MBNL2: variants seen among roughly 807,000 people sequenced by gnomAD.
MBNL2 encodes the protein muscleblind like splicing regulator 2.
Under a neutral mutation model 41.9 loss-of-function variants are expected in MBNL2, and 17 were observed. The ratio of observed to expected loss-of-function variants is 0.41; its 90% confidence interval spans 0.28 to 0.61. The LOEUF (loss-of-function observed/expected upper bound fraction) is 0.61, where lower values mean the gene tolerates loss of function less well. Among genes scored for constraint, MBNL2 ranks in the 20% least tolerant of loss-of-function variants. MBNL2 has a pLI of 0.35. For missense variants in MBNL2, 336 were observed against 505.6 expected, an observed-to-expected ratio of 0.66 and a Z score of 3.22; for synonymous variants, 195 against 182.9, an observed-to-expected ratio of 1.07 and a Z score of -0.53.
chr13:97,257,154 C>T (rs1267486130), intron 1 of MBNL2, among the ~76,000 whole-genome samples: 1 of 151,708 alleles, frequency 6.6e-6, no homozygotes, highest in Non-Finnish European at 1.5e-5. Flanking sequence ...TCAGACCCTA[C>T]CTTTTTTTTT....
the MBNL2 span, among the ~76,000 whole-genome samples, chr13:97,153,791 C>T: frequency 6.6e-6 from 1 of 152,190 alleles, no homozygotes; most frequent in Non-Finnish European, 1.5e-5. Flanking sequence ...TAGACAACTA[C>T]TTGACCATGT....
At chr13:97,319,990 GA>G (rs1479564575) in intron 2 of MBNL2, among the ~76,000 whole-genome samples, 1 of 152,090 alleles carries the variant, frequency 6.6e-6, no homozygotes, top group Non-Finnish European at 1.5e-5. Flanking sequence ...CTAAGATCAT[GA>G]AAAAAATTGA....
chr13:97,358,139 C>T (rs2063133079), intron 7 of MBNL2, among the ~76,000 whole-genome samples: 1 of 152,156 alleles, frequency 6.6e-6, no homozygotes, highest in African/African-American at 2.4e-5. Flanking sequence ...ACCAAGTTCA[C>T]AAGTATATAG....
chr13:97,149,974 G>A, the MBNL2 span, among the ~76,000 whole-genome samples: 3 of 152,210 alleles, frequency 2.0e-5, no homozygotes, highest in Non-Finnish European at 4.4e-5. Context: ...ATCACCTGAG[G>A]GTCAGGGCTG....
At chr13:97,254,292 A>G (rs2047124388) in intron 1 of MBNL2, among the ~76,000 whole-genome samples, 1 of 152,246 alleles carries the variant, frequency 6.6e-6, no homozygotes, top group Non-Finnish European at 1.5e-5. Flanking sequence ...TAGTTTCCAA[A>G]TGTGAAATGT....
chr13:97,343,272 TGTAA>T (rs1207403301), intron 4 of MBNL2, 56 bp downstream of exon 4: 1 of 1,244,230 alleles, frequency 8.0e-7, no homozygotes, highest in African/African-American at 1.5e-5. Context: ...TATACTTCTG[TGTAA>T]GTGATTGCTT....
intron 2 of MBNL2, among the ~76,000 whole-genome samples, chr13:97,314,434 G>T (rs894553646): frequency 2.5e-4 from 38 of 152,072 alleles, no homozygotes; most frequent in African/African-American, 8.7e-4. Flanking sequence ...TATTGATCTT[G>T]TTGAGTGTCT....
intron 2 of MBNL2, among the ~76,000 whole-genome samples, chr13:97,327,642 A>C (rs2060020604): frequency 6.6e-6 from 1 of 151,898 alleles, no homozygotes; most frequent in African/African-American, 2.4e-5. Flanking sequence ...TTCCAACCAC[A>C]ATACATAGCT....
At chr13:97,355,781 T>G (rs2153104508) in intron 5 of MBNL2, among the ~76,000 whole-genome samples, 1 of 152,348 alleles carries the variant, frequency 6.6e-6, no homozygotes, top group South Asian at 2.1e-4. Flanking sequence ...TTTGCTATTA[T>G]TTTTAGCTGT....
chr13:97,263,645 T>C (rs1033042361), intron 1 of MBNL2, among the ~76,000 whole-genome samples: 1 of 152,124 alleles, frequency 6.6e-6, no homozygotes, highest in Non-Finnish European at 1.5e-5. Context: ...TGAGACGGAG[T>C]CTTACTCTGT....
upstream of MBNL2, among the ~76,000 whole-genome samples, chr13:97,217,019 A>G (rs1375486280): frequency 6.7e-6 from 1 of 148,392 alleles, no homozygotes; most frequent in Non-Finnish European, 1.5e-5. Flanking sequence ...AATATAGAAT[A>G]TACATATAAC....
At chr13:97,252,140 G>A (rs1288881282) in intron 1 of MBNL2, among the ~76,000 whole-genome samples, 3 of 152,082 alleles carry the variant, frequency 2.0e-5, no homozygotes, top group South Asian at 2.1e-4. Flanking sequence ...GTGAGCCACC[G>A]CGCCCGGCCG....
intron 8 of MBNL2, among the ~76,000 whole-genome samples, chr13:97,385,108 G>A (rs1442422444): frequency 6.6e-6 from 1 of 152,122 alleles, no homozygotes; most frequent in African/African-American, 2.4e-5. Context: ...TTCTGTTGAT[G>A]CCAGCATTGT....
chr13:97,361,862 C>G (rs554244316), intron 7 of MBNL2, among the ~76,000 whole-genome samples: 14 of 146,392 alleles, frequency 9.6e-5, no homozygotes. Flanking sequence ...CTCCGCCTCC[C>G]GGGTTCAAGA....
intron 2 of MBNL2, among the ~76,000 whole-genome samples, chr13:97,315,966 G>A (rs2059013239): frequency 6.6e-6 from 1 of 152,076 alleles, no homozygotes; most frequent in South Asian, 2.1e-4. Flanking sequence ...CATAACCAAG[G>A]GTTTGTTCTC....
the MBNL2 span, among the ~76,000 whole-genome samples, chr13:97,155,298 G>C: frequency 6.6e-6 from 1 of 150,606 alleles, no homozygotes; most frequent in African/African-American, 2.4e-5. Flanking sequence ...ATTTTTTTTA[G>C]TCCCAAACCA....
intron 1 of MBNL2, among the ~76,000 whole-genome samples, chr13:97,233,132 T>C (rs1181659117): frequency 1.7e-5 from 1 of 57,286 alleles, no homozygotes; most frequent in Non-Finnish European, 3.2e-5. Flanking sequence ...TTTTCATATA[T>C]ATATATATAT....
At chr13:97,271,423 G>T (rs1196176164) in intron 1 of MBNL2, among the ~76,000 whole-genome samples, 1 of 149,372 alleles carries the variant, frequency 6.7e-6, no homozygotes, top group East Asian at 2.0e-4. Context: ...CACTTTTTAA[G>T]ATTTATTTAT....
At chr13:97,256,562 A>G (rs1160075366) in intron 1 of MBNL2, among the ~76,000 whole-genome samples, 1 of 152,312 alleles carries the variant, frequency 6.6e-6, no homozygotes, top group African/African-American at 2.4e-5. Flanking sequence ...GCAGGTTATC[A>G]GAGTGGCCTT....
Sources: gnomAD v4.1 joint callset for allele counts (sites outside exome capture counted in the v4.1 genomes callset) on GRCh38, gnomAD v4.1.1 for gene constraint, MANE v1.5 for transcripts, NCBI Gene and HGNC (gene_info 2026-07-23, HGNC 2026-07-21) for gene names.